CDYL2: variants seen among roughly 807,000 people sequenced by gnomAD.
The protein encoded by CDYL2 is chromodomain Y-like protein 2.
CDYL2 carries 23 observed loss-of-function variants against 49.4 expected under a neutral mutation model. The ratio of observed to expected loss-of-function variants is 0.47; its 90% CI spans 0.34 to 0.66. The LOEUF is 0.66. Among genes scored for constraint, CDYL2 ranks in the 30% least tolerant of loss-of-function variants. The pLI is 0.01. For missense variants in CDYL2, 678 were observed against 656.4 expected, an observed-to-expected ratio of 1.03 and a Z score of -0.36; for synonymous variants, 360 against 268.8, an observed-to-expected ratio of 1.34 and a Z score of -3.32.
chr16:80,735,712 T>G (rs563910181), intron 1 of CDYL2, among the ~76,000 whole-genome samples: 16 of 152,132 alleles, frequency 1.1e-4, no homozygotes, highest in Admixed American at 1.0e-3. Flanking sequence ...AGGGACCACA[T>G]AGCAATAATC....
chr16:80,740,916 A>T (rs1905710979), intron 1 of CDYL2, among the ~76,000 whole-genome samples: 1 of 151,810 alleles, frequency 6.6e-6, no homozygotes, highest in Non-Finnish European at 1.5e-5. Context: ...ATTACTATAA[A>T]CATGTTAATT....
intron 1 of CDYL2, among the ~76,000 whole-genome samples, chr16:80,752,952 G>A (rs369662118): frequency 6.6e-6 from 1 of 152,080 alleles, no homozygotes; most frequent in Admixed American, 6.6e-5. Context: ...AAGGATGAGG[G>A]GCAACAGAAA....
chr16:80,609,034 C>T (rs1355227126), intron 5 of CDYL2, among the ~76,000 whole-genome samples: 9 of 152,190 alleles, frequency 5.9e-5, no homozygotes, highest in Admixed American at 5.9e-4. Context: ...CAGGGCTGGG[C>T]AAGGGCACTG....
At chr16:80,613,188 A>C (rs1207221175) in intron 4 of CDYL2, among the ~76,000 whole-genome samples, 2 of 152,092 alleles carry the variant, frequency 1.3e-5, no homozygotes, top group Non-Finnish European at 2.9e-5. Context: ...TAAGGAAGTC[A>C]ACCTGAATGT....
At chr16:80,635,503 C>A (rs1303643421) in intron 2 of CDYL2, among the ~76,000 whole-genome samples, 1 of 152,126 alleles carries the variant, frequency 6.6e-6, no homozygotes, top group Non-Finnish European at 1.5e-5. Context: ...ATACAACTTA[C>A]AAGGGATGTG....
intron 1 of CDYL2, among the ~76,000 whole-genome samples, chr16:80,700,125 C>T (rs1904293331): frequency 6.6e-6 from 1 of 152,200 alleles, no homozygotes; most frequent in East Asian, 1.9e-4. Flanking sequence ...TCCCAAAGTG[C>T]TGGGATTACA....
Position 80,600,386 on chromosome 16 carries a change from C to G in CDYL2, c.*4002G>C, listed in dbSNP as rs1214400140. The G allele has an allele frequency of 6.6e-6, 1 of 152,110 alleles. No individual in the cohort carries two copies. The highest frequency in any genetic ancestry group is 2.4e-5 in the African/African-American group (1 of 41,426). 9.4% of individuals were successfully genotyped at this position (152,110 alleles called of 1,614,324 possible). On this transcript the variant is annotated 3_prime_UTR_variant, in exon 7 of 7. Coordinates refer to ENST00000570137, the MANE Select transcript of CDYL2 (RefSeq NM_152342.4). ...TTGAAAATATATACTGTATTAAAGT[C>G]TGTAAGCATTTCAACCAAAATTTGC...
chr16:80,780,054 C>A (rs1907213519), intron 1 of CDYL2, among the ~76,000 whole-genome samples: 1 of 152,012 alleles, frequency 6.6e-6, no homozygotes, highest in South Asian at 2.1e-4. Flanking sequence ...ACCTCCAGTC[C>A]CAAACTTCAT....
At chr16:80,653,797 C>A (rs1908687549) in intron 2 of CDYL2, among the ~76,000 whole-genome samples, 3 of 152,200 alleles carry the variant, frequency 2.0e-5, no homozygotes, top group Admixed American at 1.3e-4. Context: ...TTCAGACATG[C>A]AGGCAAGCTT....
intron 1 of CDYL2, among the ~76,000 whole-genome samples, chr16:80,729,812 C>T (rs1202025728): frequency 3.3e-5 from 5 of 152,136 alleles, no homozygotes; most frequent in African/African-American, 2.4e-5. Flanking sequence ...CAAAACCACT[C>T]AACTACATGG....
intron 1 of CDYL2, among the ~76,000 whole-genome samples, chr16:80,785,365 T>C (rs978407024): frequency 1.6e-4 from 24 of 152,132 alleles, no homozygotes; most frequent in Non-Finnish European, 2.4e-4. Flanking sequence ...CCATTCACAA[T>C]TGCTACTAAG....
chr16:80,734,870 C>T (rs138006109), intron 1 of CDYL2, among the ~76,000 whole-genome samples: 18 of 152,288 alleles, frequency 1.2e-4, no homozygotes, highest in African/African-American at 3.4e-4. Context: ...CCTGCCACCA[C>T]GATATGGTCC....
At chr16:80,677,270 C>T (rs947607176) in intron 2 of CDYL2, among the ~76,000 whole-genome samples, 21 of 152,188 alleles carry the variant, frequency 1.4e-4, no homozygotes, top group African/African-American at 5.1e-4. Context: ...CACTCCTGGC[C>T]CAATTTCTTT....
chr16:80,653,191 C>T (rs985177134), intron 2 of CDYL2, among the ~76,000 whole-genome samples: 3 of 152,200 alleles, frequency 2.0e-5, no homozygotes, highest in Admixed American at 6.5e-5. Context: ...TTTGGCTGGG[C>T]GCGATGGCTC....
At chr16:80,793,735 A>G (rs889818943) in intron 1 of CDYL2, among the ~76,000 whole-genome samples, 1 of 152,214 alleles carries the variant, frequency 6.6e-6, no homozygotes, top group African/African-American at 2.4e-5. Flanking sequence ...GATCCCTAAC[A>G]CATAAAAATT....
intron 1 of CDYL2, among the ~76,000 whole-genome samples, chr16:80,788,935 T>C (rs1056953672): frequency 6.6e-6 from 1 of 152,166 alleles, no homozygotes; most frequent in Non-Finnish European, 1.5e-5. Context: ...TTTGTTTGTT[T>C]TCAACCATTA....
chr16:80,640,643 C>A (rs1052115486), intron 2 of CDYL2, among the ~76,000 whole-genome samples: 3 of 152,124 alleles, frequency 2.0e-5, no homozygotes, highest in Admixed American at 6.5e-5. Context: ...GATATGTGAC[C>A]TTTCAGGCAG....
intron 1 of CDYL2, among the ~76,000 whole-genome samples, chr16:80,700,333 A>G (rs1484795161): frequency 6.6e-6 from 1 of 152,236 alleles, no homozygotes; most frequent in African/African-American, 2.4e-5. Context: ...GAAGAGTGCT[A>G]AATTTCACTA....
At chr16:80,772,425 T>C (rs909387676) in intron 1 of CDYL2, among the ~76,000 whole-genome samples, 1 of 152,206 alleles carries the variant, frequency 6.6e-6, no homozygotes, top group African/African-American at 2.4e-5. Context: ...CTAAGGTCTC[T>C]GAATTGTCTG....
Sources: gnomAD v4.1 joint callset for allele counts (sites outside exome capture counted in the v4.1 genomes callset) on GRCh38, gnomAD v4.1.1 for gene constraint, MANE v1.5 for transcripts, NCBI Gene and HGNC (gene_info 2026-07-23, HGNC 2026-07-21) for gene names.